Variants in FCRL5 observed in about 807,000 individuals in gnomAD.
FCRL5 encodes Fc receptor-like protein 5.
Under a neutral mutation model 92.1 loss-of-function variants are expected in FCRL5, and 79 were observed. That is an observed-to-expected ratio of 0.86 (90% CI 0.72 to 1.03). The LOEUF (loss-of-function observed/expected upper bound fraction) is 1.03. Among genes scored for constraint, FCRL5 ranks in the 50% least tolerant of loss-of-function variants. FCRL5 has a pLI of 0.00. For synonymous variants in FCRL5, 466 were observed against 469.3 expected, an observed-to-expected ratio of 0.99 and a Z score of 0.09; for missense variants, 1,160 against 1,181.1, an observed-to-expected ratio of 0.98 and a Z score of 0.26.
In FCRL5 at chr1:157,524,558, C is replaced by G; in HGVS notation, c.1961-1G>C. 1.9e-6 allele frequency: 3 copies of G among 1,574,870 alleles called. No homozygotes were observed. Among genetic ancestry groups the G allele is most frequent in the Non-Finnish European group, 2.6e-6 (3 of 1,160,834 alleles). On this transcript the variant is annotated splice_acceptor_variant, in intron 9 of 16. Coordinates refer to ENST00000361835, the MANE Select transcript of FCRL5 (RefSeq NM_031281.3). LOFTEE classifies it high-confidence loss of function. ...GTGAGGATGGGACGAGATACTGGAA[C>G]TGAGGGAGGAAAAACGTTATGTATC...
At chr1:157,536,539 C>T (rs934906631) in intron 7 of FCRL5, among the ~76,000 whole-genome samples, 3 of 152,230 alleles carry the variant, frequency 2.0e-5, no homozygotes, top group African/African-American at 7.2e-5. Context: ...TGGTTTTCCC[C>T]AACATTTAAA....
chr1:157,517,941 T>A (rs1650002516), intron 15 of FCRL5, among the ~76,000 whole-genome samples: 1 of 147,610 alleles, frequency 6.8e-6, no homozygotes, highest in African/African-American at 2.7e-5. Context: ...CTCTCTCTGC[T>A]GTGTGGGGGA....
At chr1:157,542,733 G>T in intron 6 of FCRL5, 126 bp downstream of exon 6, 1 of 1,159,500 alleles carries the variant, frequency 8.6e-7, no homozygotes, top group Non-Finnish European at 1.2e-6. Context: ...GGAGAGTGGA[G>T]GAGGACATTA....
chr1:157,551,502 C>T (rs1651809919), intron 1 of FCRL5, among the ~76,000 whole-genome samples: 1 of 152,162 alleles, frequency 6.6e-6, no homozygotes, highest in African/African-American at 2.4e-5. Context: ...GGTAACTTTG[C>T]CTGGACAATT....
chr1:157,548,301 G>A (rs1651651702), intron 2 of FCRL5, among the ~76,000 whole-genome samples: 1 of 152,210 alleles, frequency 6.6e-6, no homozygotes, highest in East Asian at 1.9e-4. Flanking sequence ...AAGAAAACAG[G>A]AGATATTGTT....
At chr1:157,543,735 C>G (rs567441409) in intron 5 of FCRL5, among the ~76,000 whole-genome samples, 22 of 152,272 alleles carry the variant, frequency 1.4e-4, no homozygotes, top group Non-Finnish European at 2.5e-4. Flanking sequence ...AAGGATGGTG[C>G]TGTATACTAG....
At chr1:157,534,326 T>C (rs1650834239) in intron 8 of FCRL5, 1 of 707,600 alleles carries the variant, frequency 1.4e-6, no homozygotes, top group Admixed American at 2.0e-5. Context: ...ACACGCTCCG[T>C]GCATCAAGAA....
At position 157,547,159 on chromosome 1, in the gene FCRL5, A is replaced by G; in HGVS notation, c.91T>C (p.Trp31Arg). 1 of 1,614,050 alleles carries G rather than the reference A, an allele frequency of 6.2e-7. No individual in the cohort carries two copies. The highest frequency in any genetic ancestry group is 1.7e-4 in the Middle Eastern group (1 of 5,932). ...PRPIIFLQPPWTTVFQGERVT... is the reference protein window; with the variant it reads ...PRPIIFLQPPRTTVFQGERVT... ...CTCTCTCCTTGGAAGACTGTGGTCC[A>G]TGGAGGCTGGAGGAAAATAATGGGC... The change falls in exon 3 of 17, where the codon TGG becomes CGG. Residue 31 changes from tryptophan to arginine, a missense_variant. Trp to Arg is a moderately radical substitution (Grantham distance 101, BLOSUM62 -3). Transcript: ENST00000361835.
At chr1:157,551,884 A>G (rs1651834393) in intron 1 of FCRL5, among the ~76,000 whole-genome samples, 1 of 152,160 alleles carries the variant, frequency 6.6e-6, no homozygotes, top group African/African-American at 2.4e-5. Context: ...GCAATTATGT[A>G]CAAGAGAAAG....
At chr1:157,518,847 C>T in intron 13 of FCRL5, 65 bp from the exon 14 acceptor site, 1 of 1,334,484 alleles carries the variant, frequency 7.5e-7, no homozygotes, top group Admixed American at 2.2e-5. Context: ...ATGATCACTC[C>T]TAGTGAGTGA....
chr1:157,547,291 G>A (rs1449458106), intron 2 of FCRL5, 94 bp from the exon 3 acceptor site: 3 of 1,527,510 alleles, frequency 2.0e-6, no homozygotes, highest in Non-Finnish European at 2.7e-6. Context: ...CCTGGGTTTG[G>A]AGGATCTGAA....
At chr1:157,520,164 T>C (rs955709796) in intron 12 of FCRL5, among the ~76,000 whole-genome samples, 1 of 152,186 alleles carries the variant, frequency 6.6e-6, no homozygotes, top group Non-Finnish European at 1.5e-5. Flanking sequence ...GGGGGTCTTA[T>C]AAGGGTCGAG....
chr1:157,539,254 A>G lies in FCRL5; in HGVS notation c.1234T>C (p.Tyr412His). 2 of 1,614,206 alleles carry G rather than the reference A, an allele frequency of 1.2e-6. No homozygotes were observed. The highest frequency in any genetic ancestry group is 1.7e-6 in the Non-Finnish European group (2 of 1,180,018). ...EAQRGSLPIL[Y>H]QFHHEGAALE... Reference sequence around the variant, plus strand: ...GCAGCACCCTCATGATGAAACTGGTACAGGATGGGGAGTGAACCTCTCTGG... The same window carrying G: ...GCAGCACCCTCATGATGAAACTGGTGCAGGATGGGGAGTGAACCTCTCTGG... The change falls in exon 7 of 17, where the codon TAC becomes CAC. Residue 412 changes from tyrosine to histidine, a missense_variant. By Grantham distance (83) the Tyr-to-His change is moderately conservative. Coordinates refer to ENST00000361835, the MANE Select transcript of FCRL5 (RefSeq NM_031281.3).
At chr1:157,545,205 T>C in intron 3 of FCRL5, 123 bp from the exon 4 acceptor site, 1 of 1,121,684 alleles carries the variant, frequency 8.9e-7, no homozygotes, top group Non-Finnish European at 1.2e-6. Flanking sequence ...AAAATAATTA[T>C]CATTTCTTTT....
At chr1:157,527,256 G>C (rs1353268983) in intron 9 of FCRL5, among the ~76,000 whole-genome samples, 1 of 152,358 alleles carries the variant, frequency 6.6e-6, no homozygotes, top group East Asian at 1.9e-4. Context: ...TTGGCAGACA[G>C]AGAAAACCAC....
Position 157,544,499 on chromosome 1 carries a change from T to C in FCRL5, c.607A>G (p.Ser203Gly). 3.1e-6 allele frequency: 5 copies of C among 1,614,202 alleles called. No homozygotes were observed. The highest frequency in any genetic ancestry group is 4.2e-6 in the Non-Finnish European group (5 of 1,180,032). ...CAGGTCAGGGTCACTGGGTTCCCGC[T>C]GATGGGCTGGAAGGAGCTGGCTCTC... is the stretch of plus-strand genomic sequence containing the variant. ...VLRASSFQPI[S>G]GNPVTLTCET... The change falls in exon 5 of 17, where the codon AGC (serine) becomes GGC (glycine). Residue 203 changes from serine to glycine, a missense_variant. Physicochemically the swap from Ser to Gly is moderately conservative, Grantham distance 56. Transcript: ENST00000361835.
Position 157,524,545 on chromosome 1 carries a change from C to T in FCRL5, c.1973G>A (p.Arg658His), listed in dbSNP as rs376858048. The stretch of plus-strand genomic sequence containing the variant: ...GGGAGCCCTGAAGGTGAGGATGGGA[C>T]GAGATACTGGAACTGAGGGAGGAAA... ...ISLSVIVPVS[R>H]PILTFRAPRA... The change falls in exon 10 of 17, where the codon CGT becomes CAT. Residue 658 changes from arginine (R) to histidine (H), a missense_variant. Arg to His is a conservative substitution (Grantham distance 29, BLOSUM62 0). Coordinates refer to ENST00000361835, the MANE Select transcript of FCRL5 (RefSeq NM_031281.3). 55 of 1,597,712 alleles carry T rather than the reference C, an allele frequency of 3.4e-5. No homozygotes were observed. Among genetic ancestry groups the T allele is most frequent in the East Asian group, 1.8e-4 (8 of 44,642 alleles).
intron 8 of FCRL5, among the ~76,000 whole-genome samples, chr1:157,529,928 T>C (rs762044306): frequency 1.3e-5 from 2 of 152,206 alleles, no homozygotes; most frequent in Non-Finnish European, 2.9e-5. Flanking sequence ...GTTACTCATG[T>C]AACCAAACAC....
At chr1:157,538,044 T>G (rs1465987886) in intron 7 of FCRL5, among the ~76,000 whole-genome samples, 1 of 152,230 alleles carries the variant, frequency 6.6e-6, no homozygotes, top group African/African-American at 2.4e-5. Context: ...TCTAGGTGTA[T>G]ATATAGAATC....
Sources: allele counts gnomAD v4.1 joint callset (sites outside exome capture counted in the v4.1 genomes callset), GRCh38; gene constraint gnomAD v4.1.1; transcripts MANE v1.5; gene names NCBI Gene and HGNC (gene_info 2026-07-23, HGNC 2026-07-21).